Variants in NRXN1 observed in about 807,000 individuals in gnomAD.
The protein encoded by NRXN1 is neurexin-1.
NRXN1 carries 39 observed loss-of-function variants against 150.9 expected under a neutral mutation model. That is an observed-to-expected ratio of 0.26 (90% CI 0.20 to 0.34). The LOEUF (loss-of-function observed/expected upper bound fraction) is 0.34. Among genes scored for constraint, NRXN1 ranks in the 10% least tolerant of loss-of-function variants. The pLI is 1.00. For missense variants in NRXN1, 1,815 were observed against 1,949.9 expected (o/e 0.93, Z 1.30); for synonymous variants, 924 against 757.0 (o/e 1.22, Z -3.62).
At position 49,924,641 on chromosome 2, in the gene NRXN1, C is replaced by A. The variant is rs141786607; in HGVS notation, c.4217-2390G>T. ...ATCTCCTGTTTAAGGAAAACACTTT[C>A]TTTTTTGCAACACTAGCCAAATTGT... is the stretch of plus-strand genomic sequence containing the variant. On this transcript the variant is annotated intron_variant, in intron 22 of 22. Transcript: ENST00000401669. Among the ~76,000 whole-genome samples the A allele has an allele frequency of 3.5e-3, 527 of 152,240 alleles. 2 individuals are homozygous for A. Among genetic ancestry groups the A allele is most frequent in the African/African-American group, 0.012 (492 of 41,552 alleles).
intron 5 of NRXN1, among the ~76,000 whole-genome samples, chr2:50,662,645 C>T (rs371671876): frequency 1.3e-5 from 2 of 151,816 alleles, no homozygotes; most frequent in African/African-American, 4.8e-5. Context: ...CTCTGTGTGG[C>T]CCAAGGCGAT....
intron 21 of NRXN1, among the ~76,000 whole-genome samples, chr2:49,958,080 G>C (rs748886204): frequency 2.6e-4 from 39 of 152,118 alleles, no homozygotes; most frequent in African/African-American, 4.8e-5. Context: ...TCAGTGGCTG[G>C]TGCAAAGCCC....
chr2:50,044,135 T>C (rs1013982235), intron 21 of NRXN1, among the ~76,000 whole-genome samples: 1 of 152,210 alleles, frequency 6.6e-6, no homozygotes, highest in African/African-American at 2.4e-5. Context: ...ACAAACATGA[T>C]TTTAAAGTTC....
intron 18 of NRXN1, among the ~76,000 whole-genome samples, chr2:50,139,509 T>C (rs1439760383): frequency 6.6e-6 from 1 of 152,136 alleles, no homozygotes; most frequent in Non-Finnish European, 1.5e-5. Flanking sequence ...GGCAAAAGTA[T>C]GACGGACAGC....
intron 21 of NRXN1, chr2:49,974,150 C>T (rs534080730): frequency 1.4e-6 from 1 of 713,212 alleles, no homozygotes; most frequent in South Asian, 1.5e-5. Flanking sequence ...GCCTGCGCAT[C>T]AGCCCGGCCT....
chr2:50,497,242 C>G (rs2091686663), intron 14 of NRXN1, 91 bp downstream of exon 14: 1 of 979,574 alleles, frequency 1.0e-6, no homozygotes, highest in Admixed American at 2.7e-5. Context: ...ACCTTATGAG[C>G]CAGTATGTTC....
At chr2:50,677,322 G>A (rs150690203) in intron 5 of NRXN1, among the ~76,000 whole-genome samples, 1 of 152,042 alleles carries the variant, frequency 6.6e-6, no homozygotes, top group Admixed American at 6.6e-5. Context: ...TTTAACTTTG[G>A]CATGTCTGTG....
chr2:50,381,053 A>G (rs955335342), intron 17 of NRXN1, among the ~76,000 whole-genome samples: 13 of 152,126 alleles, frequency 8.5e-5, no homozygotes, highest in African/African-American at 2.7e-4. Context: ...GCTTTCATAG[A>G]TAAGTCTTAC....
intron 5 of NRXN1, among the ~76,000 whole-genome samples, chr2:50,664,497 T>C (rs1021173630): frequency 1.4e-4 from 21 of 150,514 alleles, no homozygotes; most frequent in African/African-American, 5.1e-4. Flanking sequence ...TCTACATTGA[T>C]GATTTAAAAA....
intron 21 of NRXN1, among the ~76,000 whole-genome samples, chr2:50,029,579 TG>T (rs1688884695): frequency 6.6e-6 from 1 of 152,116 alleles, no homozygotes; most frequent in Admixed American, 6.6e-5. Context: ...GGAAAGGCCA[TG>T]TGGACACACA....
intron 17 of NRXN1, among the ~76,000 whole-genome samples, chr2:50,271,451 A>T (rs2069615520): frequency 6.6e-6 from 1 of 152,202 alleles, no homozygotes; most frequent in African/African-American, 2.4e-5. Flanking sequence ...CAGTGCAACT[A>T]AGAGCTATTT....
At chr2:50,531,594 G>A (rs928391645) in intron 10 of NRXN1, among the ~76,000 whole-genome samples, 164 bp from the exon 11 acceptor site, 2 of 152,088 alleles carry the variant, frequency 1.3e-5, no homozygotes, top group Non-Finnish European at 2.9e-5. Context: ...GAGCTGGAAA[G>A]AGAAGTCACA....
At chr2:50,420,962 CTGTGTGTG>C (rs4032055) in intron 17 of NRXN1, among the ~76,000 whole-genome samples, 6,686 of 119,930 alleles carry the variant, frequency 0.056, 194 homozygotes, top group East Asian at 0.093. Flanking sequence ...CAAAATAGAC[CTGTGTGTG>C]TGTGTGTGTG....
In NRXN1 at chr2:50,346,979, G is replaced by A; in HGVS notation, c.3365-110009C>T. On this transcript the variant is annotated intron_variant, in intron 17 of 22. Transcript: ENST00000401669. This position sits in a 1 kb window ranked among gnomAD's most constrained non-coding sequence, Gnocchi z 5.0. Reference sequence around the variant, plus strand: ...GGGCGCCCGCCGAGGGGCAGCCGCCGCGGGAGGCAAAGTTTGGGGCGCGGG... The same window carrying A: ...GGGCGCCCGCCGAGGGGCAGCCGCCACGGGAGGCAAAGTTTGGGGCGCGGG... 2 of 1,361,764 alleles carry A rather than the reference G, an allele frequency of 1.5e-6. No homozygotes were observed. The highest frequency in any genetic ancestry group is 1.9e-6 in the Non-Finnish European group (2 of 1,057,248). 84.4% of individuals were successfully genotyped at this position (1,361,764 alleles called of 1,614,324 possible). A position where few individuals can be genotyped will look rare whatever the true frequency, so the allele number is the denominator to read the frequency against.
chr2:50,186,356 A>G (rs1430678390), intron 18 of NRXN1, among the ~76,000 whole-genome samples: 2 of 152,054 alleles, frequency 1.3e-5, no homozygotes, highest in African/African-American at 4.8e-5. Flanking sequence ...TGTCAAAGAT[A>G]TCAGATTTTA....
chr2:50,289,426 A>C (rs952661726), intron 17 of NRXN1, among the ~76,000 whole-genome samples: 1 of 152,092 alleles, frequency 6.6e-6, no homozygotes, highest in Non-Finnish European at 1.5e-5. Context: ...TCCCCCATCT[A>C]ATATTATTCT....
At chr2:50,589,042 G>C (rs1372638093) in intron 8 of NRXN1, 1 of 152,168 alleles carries the variant, frequency 6.6e-6, no homozygotes, top group Non-Finnish European at 1.5e-5. Flanking sequence ...AGCCCGGTAG[G>C]ATGAGAATAT....
intron 5 of NRXN1, among the ~76,000 whole-genome samples, chr2:50,644,446 A>G (rs183124966): frequency 1.3e-5 from 2 of 151,974 alleles, no homozygotes; most frequent in African/African-American, 2.4e-5. Context: ...AAGACTATCA[A>G]AAGCAAAAGA....
At chr2:49,995,597 T>C (rs1017857040) in intron 21 of NRXN1, among the ~76,000 whole-genome samples, 2 of 150,922 alleles carry the variant, frequency 1.3e-5, no homozygotes, top group East Asian at 2.0e-4. Context: ...CTGGCTAACA[T>C]GGTGAAACCC....
Sources: gnomAD v4.1 joint callset for allele counts (sites outside exome capture counted in the v4.1 genomes callset) on GRCh38, gnomAD v4.1.1 for gene constraint, Gnocchi (gnomAD v3.1) non-coding constraint, MANE v1.5 for transcripts, NCBI Gene and HGNC (gene_info 2026-07-23, HGNC 2026-07-21) for gene names.